Variants in TECR observed in about 807,000 individuals in gnomAD.
TECR encodes trans-2,3-enoyl-CoA reductase.
Under a neutral mutation model 50.6 loss-of-function variants are expected in TECR, and 19 were observed. The ratio of observed to expected loss-of-function variants is 0.38; its 90% confidence interval spans 0.26 to 0.55. The LOEUF (loss-of-function observed/expected upper bound fraction) is 0.55, where lower values mean the gene tolerates loss of function less well. Among genes scored for constraint, TECR ranks in the 20% least tolerant of loss-of-function variants. TECR has a pLI of 0.79. For missense variants in TECR, 313 were observed against 408.3 expected (o/e 0.77, Z 2.01); for synonymous variants, 168 against 163.5 (o/e 1.03, Z -0.21).
rs1397488633 is a variant in TECR at position 14,563,636 on chromosome 19, A to T, written c.119-22A>T. ...TGAGCCCTGCCAGGCTGTGGGCTGTAACTGCCCTGTTCTCCCCGCAGATCC... is the reference window on the plus strand; with the variant it reads ...TGAGCCCTGCCAGGCTGTGGGCTGTTACTGCCCTGTTCTCCCCGCAGATCC... On this transcript the variant is annotated intron_variant, in intron 3 of 12. Coordinates refer to ENST00000215567, the MANE Select transcript of TECR (RefSeq NM_138501.6). The surrounding 1 kb of genome is among the most constrained non-coding windows in gnomAD (Gnocchi z 5.3). 6.2e-7 allele frequency: 1 copy of T among 1,610,818 alleles called. No individual in the cohort carries two copies. The highest frequency in any genetic ancestry group is 1.1e-5 in the South Asian group (1 of 91,014).
rs766258095 is a variant in TECR, at chr19:14,563,965, C to T, written c.268-17C>T. ...CAGCCACGTTGGGTGACTCATCTTG[C>T]CCCCCTCTACTCTCAGGTCTTCCTA... On this transcript the variant is annotated splice_polypyrimidine_tract_variant and intron_variant, in intron 5 of 12. Coordinates refer to ENST00000215567, the MANE Select transcript of TECR (RefSeq NM_138501.6). This position sits in a 1 kb window ranked among gnomAD's most constrained non-coding sequence, Gnocchi z 5.3. 6.2e-6 allele frequency: 10 copies of T among 1,613,774 alleles called. No homozygotes were observed. The African/African-American group carries it at 9.3e-5, about 15-fold the overall frequency.
At position 14,564,771 on chromosome 19, in the gene TECR, C is replaced by A; in HGVS notation, c.490-15C>A. 6.2e-7 allele frequency: 1 copy of A among 1,612,298 alleles called. No individual in the cohort carries two copies. ...GTGCTGGCCCAAGTCCCATCCCTGCCCTGCTCCCTTTCAGAACTGCACCTA... is the reference window on the plus strand; with the variant it reads ...GTGCTGGCCCAAGTCCCATCCCTGCACTGCTCCCTTTCAGAACTGCACCTA... On this transcript the variant is annotated splice_polypyrimidine_tract_variant and intron_variant, in intron 7 of 12. Coordinates refer to ENST00000215567, the MANE Select transcript of TECR (RefSeq NM_138501.6).
chr19:14,547,299 T>G (rs971844749), intron 1 of TECR, among the ~76,000 whole-genome samples: 5 of 152,196 alleles, frequency 3.3e-5, no homozygotes, highest in Non-Finnish European at 7.3e-5. Flanking sequence ...CTCTTAAAGC[T>G]TGGGTAAAAA....
chr19:14,533,967 G>GA (rs1344168864), intron 1 of TECR: 1 of 152,010 alleles, frequency 6.6e-6, no homozygotes, highest in Non-Finnish European at 1.5e-5. Flanking sequence ...GCAGCAACTG[G>GA]AAAAACAGCT....
chr19:14,555,057 G>A lies in TECR; in HGVS notation c.16-7468G>A, dbSNP rs950200418. The stretch of plus-strand genomic sequence containing the variant: ...CTCCCAGAGTGCTGGGATTACAGGC[G>A]TGAGCCACTGCGCCTGGCCTTGTTT... On this transcript the variant is annotated intron_variant, in intron 1 of 12. Transcript: ENST00000215567. 1.1e-4 allele frequency among the ~76,000 whole-genome samples: 17 copies of A among 151,350 alleles called. 1 individual carries two copies. In the East Asian group the frequency reaches 1.7e-3, roughly 16 times the overall value.
At chr19:14,536,224 A>G (rs1027977031) in intron 1 of TECR, among the ~76,000 whole-genome samples, 2 of 151,182 alleles carry the variant, frequency 1.3e-5, no homozygotes, top group Non-Finnish European at 2.9e-5. Flanking sequence ...TGCCACTGAC[A>G]AGGTTTGGAG....
chr19:14,564,939 T>A lies in TECR; in HGVS notation c.563-10T>A, dbSNP rs765937987. 6.2e-7 allele frequency: 1 copy of A among 1,614,012 alleles called. No homozygotes were observed. Among genetic ancestry groups the A allele is most frequent in the Non-Finnish European group, 8.5e-7 (1 of 1,180,010 alleles). On this transcript the variant is annotated splice_polypyrimidine_tract_variant and intron_variant, in intron 8 of 12. Transcript: ENST00000215567. ...CCCCTCATGGGCTCCCCTCCCTGCTTCCTCTTCAGCCTACGGAGCTCAGCA... is the reference window on the plus strand; with the variant it reads ...CCCCTCATGGGCTCCCCTCCCTGCTACCTCTTCAGCCTACGGAGCTCAGCA...
In TECR at chr19:14,564,162, A is replaced by AGCCTGCTCCCCCCGACCAGCCTC; in HGVS notation, c.384-13_393dup. 6.2e-7 allele frequency: 1 copy of AGCCTGCTCCCCCCGACCAGCCTC among 1,606,338 alleles called. No homozygotes were observed. The highest frequency in any genetic ancestry group is 8.5e-7 in the Non-Finnish European group (1 of 1,179,484). On this transcript the variant is annotated intron_variant, in intron 6 of 12. Coordinates refer to ENST00000215567, the MANE Select transcript of TECR (RefSeq NM_138501.6). ...AGACCTGCCGGACCAGCCCCAGCTGAGCCTGCTCCCCCCGACCAGCCTCGC... is the reference window on the plus strand; with the variant it reads ...AGACCTGCCGGACCAGCCCCAGCTGAGCCTGCTCCCCCCGACCAGCCTCGCCTGCTCCCCCCGACCAGCCTCGC...
chr19:14,530,617 T>C (rs2072604879), intron 1 of TECR: 1 of 152,188 alleles, frequency 6.6e-6, no homozygotes, highest in Non-Finnish European at 1.5e-5. Flanking sequence ...ATAAAGTGAC[T>C]TGTTCAAAGG....
At position 14,563,669 on chromosome 19, in the gene TECR, T is replaced by C. The variant is rs777440115; in HGVS notation, c.130T>C (p.Tyr44His). The change falls in exon 4 of 13, where the codon TAC (tyrosine) becomes CAC (histidine). Residue 44 changes from tyrosine (Y) to histidine (H), a missense_variant. Physicochemically the swap from Tyr to His is moderately conservative, Grantham distance 83. Transcript: ENST00000215567. The surrounding 1 kb of genome is among the most constrained non-coding windows in gnomAD (Gnocchi z 5.3). ...NLFTKTHPQW[Y>H]PARQSLRLDP... The stretch of plus-strand genomic sequence containing the variant: ...TGTTCTCCCCGCAGATCCGCAGTGG[T>C]ACCCCGCCCGCCAGTCCCTCCGCCT... 8.1e-6 allele frequency: 13 copies of C among 1,611,106 alleles called. No homozygotes were observed. In the East Asian group the frequency reaches 2.7e-4, roughly 33 times the overall value.
chr19:14,540,033 C>G lies in TECR; in HGVS notation c.15+10322C>G, dbSNP rs191454403. Among the ~76,000 whole-genome samples the G allele has an allele frequency of 2.1e-3, 311 of 151,694 alleles. 1 individual carries two copies. Among genetic ancestry groups the G allele is most frequent in the Non-Finnish European group, 3.4e-3 (232 of 67,888 alleles). ...TAGCTGGGATTACAGGTACCCGCCA[C>G]CATGCCTGGCTAATTTTTGAATTTA... is the stretch of plus-strand genomic sequence containing the variant. On this transcript the variant is annotated intron_variant, in intron 1 of 12. Coordinates refer to ENST00000215567, the MANE Select transcript of TECR (RefSeq NM_138501.6).
At position 14,550,067 on chromosome 19, in the gene TECR, T is replaced by C. The variant is rs747790621; in HGVS notation, c.16-12458T>C. 3.9e-5 allele frequency among the ~76,000 whole-genome samples: 6 copies of C among 152,100 alleles called. No homozygotes were observed. In the East Asian group the frequency reaches 1.2e-3, roughly 29 times the overall value. ...TTTGAACATATTACATATAGCGATTTATTTCATTGTCACTCTTTCTTTGCC... is the reference window on the plus strand; with the variant it reads ...TTTGAACATATTACATATAGCGATTCATTTCATTGTCACTCTTTCTTTGCC... On this transcript the variant is annotated intron_variant, in intron 1 of 12. Coordinates refer to ENST00000215567, the MANE Select transcript of TECR (RefSeq NM_138501.6).
rs1219960362 is a variant in TECR at position 14,565,309 on chromosome 19, C to T, written c.753+19C>T. 3.7e-6 allele frequency: 6 copies of T among 1,611,694 alleles called. No individual in the cohort carries two copies. The highest frequency in any genetic ancestry group is 1.3e-5 in the African/African-American group (1 of 74,990). On this transcript the variant is annotated intron_variant, in intron 11 of 12. Coordinates refer to ENST00000215567, the MANE Select transcript of TECR (RefSeq NM_138501.6). ...CTACGAGGTGAGGGGCTGCCTTACC[C>T]CTCTCTGCCCTGGGACTTGGGGTCC...
At chr19:14,533,745 T>TTGAGAGA (rs1368671825) in intron 1 of TECR, among the ~76,000 whole-genome samples, 7 of 152,196 alleles carry the variant, frequency 4.6e-5, no homozygotes, top group African/African-American at 1.7e-4. Context: ...TGTGGCCTAA[T>TTGAGAGA]TGAGGTGAAG....
Position 14,529,613 on chromosome 19 carries a change from T to A in TECR, c.-84T>A. ...AGCCGCGTTTAGTCTATCGCTGCGG[T>A]TGCGAGCGCTGTAGGGAGCCTGTGC... On this transcript the variant is annotated 5_prime_UTR_variant, in exon 1 of 13. It adds an upstream start codon to the 5' untranslated region. Coordinates refer to ENST00000215567, the MANE Select transcript of TECR (RefSeq NM_138501.6). 6.2e-7 allele frequency: 1 copy of A among 1,602,722 alleles called. No homozygotes were observed. Among genetic ancestry groups the A allele is most frequent in the East Asian group, 2.2e-5 (1 of 44,806 alleles).
upstream of TECR, chr19:14,529,109 C>G (rs543501674): frequency 6.1e-6 from 1 of 163,572 alleles, no homozygotes; most frequent in African/African-American, 2.4e-5. Flanking sequence ...ACTCAAGAGT[C>G]TCCTCCCATA....
chr19:14,543,734 G>A (rs781629895), intron 1 of TECR, among the ~76,000 whole-genome samples: 7 of 148,538 alleles, frequency 4.7e-5, no homozygotes, highest in Admixed American at 2.7e-4. Context: ...CACCGCGCCC[G>A]GCTATATATA....
chr19:14,535,560 A>ATG (rs1568396529), intron 1 of TECR, among the ~76,000 whole-genome samples: 21 of 21,860 alleles, frequency 9.6e-4, no homozygotes, highest in African/African-American at 3.5e-3. Context: ...ATATATATAT[A>ATG]TATATATATA....
intron 1 of TECR, among the ~76,000 whole-genome samples, chr19:14,547,832 G>GTTTTT (rs201720177): frequency 6.7e-6 from 1 of 148,488 alleles, no homozygotes; most frequent in African/African-American, 2.5e-5. Context: ...GGCTACTTTT[G>GTTTTT]TTTTTTTTTG....
Sources: gnomAD v4.1 joint callset for allele counts (sites outside exome capture counted in the v4.1 genomes callset) on GRCh38, gnomAD v4.1.1 for gene constraint, Gnocchi (gnomAD v3.1) non-coding constraint, MANE v1.5 for transcripts, NCBI Gene and HGNC (gene_info 2026-07-23, HGNC 2026-07-21) for gene names.